Variants in CDH12 observed in about 807,000 individuals in gnomAD.
CDH12 encodes the protein cadherin 12.
A neutral mutation model predicts 74.1 loss-of-function variants in CDH12; 41 were observed. The ratio of observed to expected loss-of-function variants is 0.55; its 90% CI spans 0.43 to 0.72. CDH12 has a LOEUF of 0.72. Among genes scored for constraint, CDH12 ranks in the 30% least tolerant of loss-of-function variants. CDH12 has a pLI of 0.00. For missense variants in CDH12, 945 were observed against 977.2 expected (o/e 0.97, Z 0.44); for synonymous variants, 399 against 355.0 (o/e 1.12, Z -1.39).
In CDH12 at chr5:21,755,636, T is replaced by C. The variant is rs769747477; in HGVS notation, c.1840A>G (p.Thr614Ala). The change falls in exon 14 of 15, where the codon ACT becomes GCT. Residue 614 changes from threonine (T) to alanine (A), a missense_variant. Thr to Ala is a moderately conservative substitution (Grantham distance 58, BLOSUM62 0). Transcript: ENST00000382254. The stretch of plus-strand genomic sequence containing the variant: ...AGTAGAATTGCAATCAACGCCCCAG[T>C]GCTAAGTCCTACAGGTAGAAAAATT... ...EAIFLPVGLS[T>A]GALIAILLCI... The C allele has an allele frequency of 1.2e-6, 2 of 1,613,968 alleles. No homozygotes were observed. Among genetic ancestry groups the C allele is most frequent in the Non-Finnish European group, 1.7e-6 (2 of 1,179,890 alleles).
intron 1 of CDH12, among the ~76,000 whole-genome samples, chr5:22,599,366 C>G (rs1243308644): frequency 6.6e-6 from 1 of 152,108 alleles, no homozygotes; most frequent in Non-Finnish European, 1.5e-5. Context: ...GAAAATACAA[C>G]AAAAGGAATA....
chr5:22,221,144 C>T (rs1003195703), intron 3 of CDH12, among the ~76,000 whole-genome samples: 10 of 151,842 alleles, frequency 6.6e-5, no homozygotes, highest in African/African-American at 2.2e-4. Flanking sequence ...CTGGCATTCA[C>T]GCTGGGCTTT....
intron 3 of CDH12, among the ~76,000 whole-genome samples, chr5:22,266,848 C>A (rs1277781595): frequency 1.3e-5 from 2 of 152,072 alleles, no homozygotes; most frequent in African/African-American, 4.8e-5. Context: ...AAAGGAAAAT[C>A]TTTAATTATC....
intron 1 of CDH12, among the ~76,000 whole-genome samples, chr5:22,821,686 A>C (rs1325221486): frequency 3.9e-5 from 6 of 151,934 alleles, no homozygotes; most frequent in Admixed American, 6.6e-5. Flanking sequence ...GATGTGAAGG[A>C]CCTCTTCAAG....
At chr5:22,466,574 A>G (rs1745736881) in intron 2 of CDH12, among the ~76,000 whole-genome samples, 1 of 152,074 alleles carries the variant, frequency 6.6e-6, no homozygotes. Context: ...AGTAAAGGCA[A>G]AAAGGAGAAA....
At chr5:22,055,791 T>C (rs1740696826) in intron 5 of CDH12, among the ~76,000 whole-genome samples, 1 of 151,998 alleles carries the variant, frequency 6.6e-6, no homozygotes, top group East Asian at 1.9e-4. Flanking sequence ...TACCAAATAA[T>C]AAAAATTAAG....
chr5:21,804,643 A>AAAACACACACAC lies in CDH12; in HGVS notation c.1003-2224_1003-2223insGTGTGTGTGTTT, dbSNP rs1554032478. ...ATAAAATCATTCTATAGTGAATTAA[A>AAAACACACACAC]ACACACACACACACACACACACACA... is the stretch of plus-strand genomic sequence containing the variant. On this transcript the variant is annotated intron_variant, in intron 9 of 14. Transcript: ENST00000382254. Among the ~76,000 whole-genome samples, 16 of 115,364 alleles carry AAAACACACACAC rather than the reference A, an allele frequency of 1.4e-4. 1 individual carries two copies. The highest frequency in any genetic ancestry group is 5.1e-4 in the African/African-American group (16 of 31,402). 75.7% of individuals were successfully genotyped at this position (115,364 alleles called of 152,430 possible). A position where few individuals can be genotyped will look rare whatever the true frequency, so the allele number is the denominator to read the frequency against.
intron 14 of CDH12, among the ~76,000 whole-genome samples, chr5:21,753,425 T>C (rs1744207856): frequency 6.6e-6 from 1 of 152,152 alleles, no homozygotes; most frequent in South Asian, 2.1e-4. Context: ...ACCAAGTATG[T>C]GAGAGACTGC....
chr5:21,876,347 T>C (rs1751939167), intron 6 of CDH12, among the ~76,000 whole-genome samples: 1 of 152,208 alleles, frequency 6.6e-6, no homozygotes, highest in African/African-American at 2.4e-5. Context: ...TCTGCTCATA[T>C]ACCCTGATTT....
At chr5:22,495,455 A>G (rs565094949) in intron 2 of CDH12, among the ~76,000 whole-genome samples, 1 of 152,176 alleles carries the variant, frequency 6.6e-6, no homozygotes, top group Non-Finnish European at 1.5e-5. Context: ...TGTTCTTTAC[A>G]CATGATTTAT....
At chr5:21,983,016 A>G (rs1226663522) in intron 5 of CDH12, among the ~76,000 whole-genome samples, 2 of 152,082 alleles carry the variant, frequency 1.3e-5, no homozygotes, top group Non-Finnish European at 2.9e-5. Flanking sequence ...GCTAATCCAA[A>G]CAAGAACATC....
chr5:22,192,995 A>T (rs1010534648), intron 4 of CDH12, among the ~76,000 whole-genome samples: 2 of 152,166 alleles, frequency 1.3e-5, no homozygotes, highest in African/African-American at 4.8e-5. Context: ...TCGGAAAAAA[A>T]CTGAGATTTG....
rs557239703 is a variant in CDH12, at chr5:22,764,548, A to G, written c.-523+88510T>C. Among the ~76,000 whole-genome samples, 4 of 152,166 alleles carry G rather than the reference A, an allele frequency of 2.6e-5. No homozygotes were observed. The East Asian group carries it at 7.7e-4, about 29-fold the overall frequency. On this transcript the variant is annotated intron_variant, in intron 1 of 14. Coordinates refer to ENST00000382254, the MANE Select transcript of CDH12 (RefSeq NM_004061.5). ...GCAAATATATAATGAAGAACATGGT[A>G]TTATAAAATCTCAAACAATTTCCAC...
chr5:21,955,287 T>C (rs1004776513), intron 6 of CDH12, among the ~76,000 whole-genome samples: 73 of 151,924 alleles, frequency 4.8e-4, no homozygotes, highest in African/African-American at 1.7e-3. Flanking sequence ...TTTTTTCTTA[T>C]AAAATATAGG....
chr5:22,646,769 A>G (rs1739455780), intron 1 of CDH12, among the ~76,000 whole-genome samples: 1 of 151,908 alleles, frequency 6.6e-6, no homozygotes, highest in African/African-American at 2.4e-5. Flanking sequence ...ATTACTTTAT[A>G]CCACACTAAC....
rs1307243684 is a variant in CDH12, at chr5:22,405,303, T to G, written c.-379A>C. On this transcript the variant is annotated 5_prime_UTR_variant, in exon 3 of 15. Coordinates refer to ENST00000382254, the MANE Select transcript of CDH12 (RefSeq NM_004061.5). Reference sequence around the variant, plus strand: ...CTAAGGCCAGCTTATGTATCTCAAATTGTTTTGACCTCCACAGTAACTTGA... The same window carrying G: ...CTAAGGCCAGCTTATGTATCTCAAAGTGTTTTGACCTCCACAGTAACTTGA... The G allele has an allele frequency of 1.3e-5, 13 of 982,062 alleles. No individual in the cohort carries two copies. The highest frequency in any genetic ancestry group is 6.2e-5 in the Admixed American group (1 of 16,256). The allele number at this position is 982,062 out of a possible 1,614,324, so 60.8% of individuals were successfully genotyped here. A position where few individuals can be genotyped will look rare whatever the true frequency, so the allele number is the denominator to read the frequency against.
intron 4 of CDH12, among the ~76,000 whole-genome samples, chr5:22,196,147 ATTTT>A (rs71609752): frequency 7.6e-6 from 1 of 132,106 alleles, no homozygotes. Flanking sequence ...TCTGCATGTA[ATTTT>A]TTTTTTTTTT....
chr5:21,856,782 C>T (rs1240315916), intron 6 of CDH12, among the ~76,000 whole-genome samples: 2 of 151,612 alleles, frequency 1.3e-5, no homozygotes, highest in African/African-American at 4.8e-5. Context: ...TCATAAAACC[C>T]CACTTTGTGC....
Position 21,962,875 on chromosome 5 carries a change from C to T in CDH12, c.526+12216G>A, listed in dbSNP as rs969974891. Among the ~76,000 whole-genome samples the T allele has an allele frequency of 8.5e-5, 13 of 152,130 alleles. No homozygotes were observed. The East Asian group carries it at 2.5e-3, about 29-fold the overall frequency. On this transcript the variant is annotated intron_variant, in intron 6 of 14. Coordinates refer to ENST00000382254, the MANE Select transcript of CDH12 (RefSeq NM_004061.5). ...CAAACATCTCCTTGTCCTGTTACTA[C>T]TGATATCTTATTCCCACAGTATCTG... is the stretch of plus-strand genomic sequence containing the variant.
Sources: allele counts gnomAD v4.1 joint callset (sites outside exome capture counted in the v4.1 genomes callset), GRCh38; gene constraint gnomAD v4.1.1; transcripts MANE v1.5; gene names NCBI Gene and HGNC (gene_info 2026-07-23, HGNC 2026-07-21).